The following MBOAT2 variants were observed in gnomAD, a reference collection of about 807,000 sequenced individuals.
MBOAT2 encodes the protein membrane bound glycerophospholipid O-acyltransferase 2.
A neutral mutation model predicts 63.4 loss-of-function variants in MBOAT2; 28 were observed. That is an observed-to-expected ratio of 0.44 (90% CI 0.33 to 0.61). The LOEUF (loss-of-function observed/expected upper bound fraction) is 0.61, where lower values mean the gene tolerates loss of function less well. MBOAT2 is among the 20% of genes least tolerant of loss of function. The pLI is 0.03. For missense variants in MBOAT2, 470 were observed against 605.8 expected (o/e 0.78, Z 2.35); for synonymous variants, 211 against 215.6 (o/e 0.98, Z 0.19).
At chr2:8,869,266 C>T (rs1055409013) in intron 8 of MBOAT2, among the ~76,000 whole-genome samples, 1 of 146,002 alleles carries the variant, frequency 6.8e-6, no homozygotes, top group Non-Finnish European at 1.5e-5. Context: ...AAGGTGGTCT[C>T]GAACTCCTGG....
At chr2:8,984,892 C>G (rs1375983190) in intron 1 of MBOAT2, among the ~76,000 whole-genome samples, 6 of 152,084 alleles carry the variant, frequency 3.9e-5, no homozygotes, top group African/African-American at 1.4e-4. Context: ...GACAGGAAAG[C>G]CAGTCGCCCC....
rs1660960176 is a variant in MBOAT2 at position 8,854,504 on chromosome 2, T to C, written c.*4175A>G. 6.6e-6 allele frequency: 1 copy of C among 152,250 alleles called. No homozygotes were observed. The highest frequency in any genetic ancestry group is 1.5e-5 in the Non-Finnish European group (1 of 68,044). 9.4% of individuals were successfully genotyped at this position (152,250 alleles called of 1,614,324 possible). A position where few individuals can be genotyped will look rare whatever the true frequency, so the allele number is the denominator to read the frequency against. On this transcript the variant is annotated 3_prime_UTR_variant, in exon 13 of 13. Transcript: ENST00000305997. Reference sequence around the variant, plus strand: ...AAACTCCACAAAATACTAGCTTATATCTAAAACTCTGGACAAATTTTTAGC... The same window carrying C: ...AAACTCCACAAAATACTAGCTTATACCTAAAACTCTGGACAAATTTTTAGC...
chr2:8,978,468 A>G (rs1169888063), intron 1 of MBOAT2, among the ~76,000 whole-genome samples: 1 of 152,178 alleles, frequency 6.6e-6, no homozygotes, highest in South Asian at 2.1e-4. Context: ...AATAAAATTT[A>G]TCTGTTCACT....
chr2:8,894,465 G>A (rs1293706172), intron 4 of MBOAT2, among the ~76,000 whole-genome samples: 1 of 152,198 alleles, frequency 6.6e-6, no homozygotes, highest in Admixed American at 6.5e-5. Context: ...GATTCATATC[G>A]ACCCTATTTA....
At chr2:8,981,331 C>CT (rs1261195494) in intron 1 of MBOAT2, among the ~76,000 whole-genome samples, 1 of 152,184 alleles carries the variant, frequency 6.6e-6, no homozygotes, top group African/African-American at 2.4e-5. Context: ...GGTACATGAA[C>CT]TGTATCTTGA....
intron 8 of MBOAT2, among the ~76,000 whole-genome samples, chr2:8,870,937 A>C (rs917610971): frequency 3.3e-5 from 5 of 152,210 alleles, no homozygotes; most frequent in African/African-American, 1.2e-4. Flanking sequence ...GGAGGATCAG[A>C]AGTACCCTAA....
intron 4 of MBOAT2, among the ~76,000 whole-genome samples, chr2:8,894,385 G>A (rs1475492640): frequency 6.6e-6 from 1 of 152,216 alleles, no homozygotes; most frequent in Non-Finnish European, 1.5e-5. Flanking sequence ...ATCAAACGTA[G>A]GTCAAGGGCT....
chr2:8,992,467 A>G (rs1292561257), intron 1 of MBOAT2, among the ~76,000 whole-genome samples: 1 of 152,210 alleles, frequency 6.6e-6, no homozygotes, highest in Non-Finnish European at 1.5e-5. Context: ...GTAAAGTATC[A>G]CTTAGATGTT....
intron 3 of MBOAT2, among the ~76,000 whole-genome samples, chr2:8,925,951 T>C (rs1370491265): frequency 1.3e-5 from 2 of 152,192 alleles, no homozygotes; most frequent in East Asian, 3.8e-4. Flanking sequence ...TTCACTACAA[T>C]CTTACGAAGT....
At chr2:8,933,117 G>A (rs182506913) in intron 3 of MBOAT2, among the ~76,000 whole-genome samples, 1 of 152,124 alleles carries the variant, frequency 6.6e-6, no homozygotes, top group Non-Finnish European at 1.5e-5. Flanking sequence ...ATGGATGGTT[G>A]CATGGGCTCT....
rs77972350 is a variant in MBOAT2 at position 8,924,591 on chromosome 2, T to C, written c.300-15875A>G. On this transcript the variant is annotated intron_variant, in intron 3 of 12. Coordinates refer to ENST00000305997, the MANE Select transcript of MBOAT2 (RefSeq NM_138799.4). ...GAAAGGAGCTTCGATGTATTCACTA[T>C]GCCAGACACAAATAATGACACTGAT... Among the ~76,000 whole-genome samples the C allele has an allele frequency of 6.9e-3, 1,057 of 152,292 alleles. 13 individuals are homozygous for C. The highest frequency in any genetic ancestry group is 0.02 in the South Asian group (97 of 4,828).
intron 3 of MBOAT2, among the ~76,000 whole-genome samples, chr2:8,929,569 T>C (rs564900499): frequency 6.6e-6 from 1 of 152,360 alleles, no homozygotes; most frequent in East Asian, 1.9e-4. Context: ...CCCAGGCTGG[T>C]CTTCAACTCT....
chr2:8,967,536 C>T (rs1255887760), intron 1 of MBOAT2, among the ~76,000 whole-genome samples: 1 of 151,924 alleles, frequency 6.6e-6, no homozygotes, highest in African/African-American at 2.4e-5. Context: ...AAATTTAAGT[C>T]CATACAATAA....
In MBOAT2 at chr2:8,862,155, C is replaced by G. The variant is rs1336729353; in HGVS notation, c.1185+435G>C. The G allele has an allele frequency of 4.7e-6, 2 of 422,876 alleles. No homozygotes were observed. The highest frequency in any genetic ancestry group is 7.9e-6 in the Non-Finnish European group (2 of 253,636). 26.2% of individuals were successfully genotyped at this position (422,876 alleles called of 1,614,324 possible). ...CTGTCTAGGCAAATACTCTAAAGAA[C>G]TGTGTCCTCTTCCAGTGTGGCTCAT... On this transcript the variant is annotated intron_variant, in intron 11 of 12. Coordinates refer to ENST00000305997, the MANE Select transcript of MBOAT2 (RefSeq NM_138799.4). This position sits in a 1 kb window ranked among gnomAD's most constrained non-coding sequence, Gnocchi z 4.3.
At chr2:8,963,900 C>T (rs1669802516) in intron 1 of MBOAT2, among the ~76,000 whole-genome samples, 1 of 152,188 alleles carries the variant, frequency 6.6e-6, no homozygotes, top group Non-Finnish European at 1.5e-5. Context: ...GTGTGCCAGG[C>T]AGTGCAGCGC....
At chr2:8,867,641 T>A (rs1661996175) in intron 9 of MBOAT2, among the ~76,000 whole-genome samples, 1 of 152,222 alleles carries the variant, frequency 6.6e-6, no homozygotes, top group Non-Finnish European at 1.5e-5. Context: ...TGGGCCTGAT[T>A]CATAACTCAT....
At chr2:8,948,155 G>A (rs1297120649) in intron 2 of MBOAT2, among the ~76,000 whole-genome samples, 5 of 152,108 alleles carry the variant, frequency 3.3e-5, no homozygotes, top group South Asian at 2.1e-4. Context: ...CAGATGTGGT[G>A]GAAAATAGCA....
intron 3 of MBOAT2, among the ~76,000 whole-genome samples, chr2:8,920,892 A>G (rs1666517435): frequency 6.6e-6 from 1 of 152,166 alleles, no homozygotes; most frequent in Admixed American, 6.6e-5. Context: ...AGCCTCATTT[A>G]TTAGTCCTCA....
chr2:9,003,428 C>A lies in MBOAT2; in HGVS notation c.75+112G>T, dbSNP rs2103396760. On this transcript the variant is annotated intron_variant, in intron 1 of 12. Coordinates refer to ENST00000305997, the MANE Select transcript of MBOAT2 (RefSeq NM_138799.4). The surrounding 1 kb of genome is among the most constrained non-coding windows in gnomAD (Gnocchi z 5.4). ...CCAGGGAGCGGCGGGTAGGGGGGCA[C>A]CGGGCGCCCGGCCCCAGCCCCCACC... 2 of 574,048 alleles carry A rather than the reference C, an allele frequency of 3.5e-6. No homozygotes were observed. The highest frequency in any genetic ancestry group is 4.8e-6 in the Non-Finnish European group (2 of 419,262). The allele number at this position is 574,048 out of a possible 1,614,324, so 35.6% of individuals were successfully genotyped here.
Sources: allele counts gnomAD v4.1 joint callset (sites outside exome capture counted in the v4.1 genomes callset), GRCh38; gene constraint gnomAD v4.1.1; non-coding constraint Gnocchi (gnomAD v3.1); transcripts MANE v1.5; gene names NCBI Gene and HGNC (gene_info 2026-07-23, HGNC 2026-07-21).